PPP2R1A: variants seen among roughly 807,000 people sequenced by gnomAD.
PPP2R1A encodes the protein serine/threonine-protein phosphatase 2A 65 kDa regulatory subunit A alpha isoform.
PPP2R1A carries 15 observed loss-of-function variants against 67.1 expected under a neutral mutation model. The ratio of observed to expected loss-of-function variants is 0.22; its 90% CI spans 0.15 to 0.34. The LOEUF (loss-of-function observed/expected upper bound fraction) is 0.34. PPP2R1A is among the 10% of genes least tolerant of loss of function. PPP2R1A has a pLI of 1.00. For missense variants in PPP2R1A, 369 were observed against 775.0 expected (o/e 0.48, Z 6.22); for synonymous variants, 337 against 325.0 (o/e 1.04, Z -0.40).
Position 52,213,458 on chromosome 19 carries a change from T to TTTTTTG in PPP2R1A, c.807+353_807+354insGTTTTT, listed in dbSNP as rs1568594564. Among the ~76,000 whole-genome samples, 7 of 32,526 alleles carry TTTTTTG rather than the reference T, an allele frequency of 2.2e-4. No homozygotes were observed. The East Asian group carries it at 3.3e-3, about 16-fold the overall frequency. The allele number at this position is 32,526 out of a possible 152,430, so 21.3% of individuals were successfully genotyped here. ...CCCAAAAAGGTGGGGTTTTTTGGTG[T>TTTTTTG]TTTTTTTTTTTTTTTTTTTTTTTTT... On this transcript the variant is annotated intron_variant, in intron 6 of 14. Coordinates refer to ENST00000322088, the MANE Select transcript of PPP2R1A (RefSeq NM_014225.6). The surrounding 1 kb of genome is among the most constrained non-coding windows in gnomAD (Gnocchi z 4.2).
Position 52,228,556 on chromosome 19 carries a change from T to G in PPP2R1A, c.*2575T>G, listed in dbSNP as rs1233092003. 1 of 152,198 alleles carries G rather than the reference T, an allele frequency of 6.6e-6. No homozygotes were observed. The highest frequency in any genetic ancestry group is 1.5e-5 in the Non-Finnish European group (1 of 68,064). 9.4% of individuals were successfully genotyped at this position (152,198 alleles called of 1,614,324 possible). On this transcript the variant is annotated 3_prime_UTR_variant, in exon 15 of 15. Coordinates refer to ENST00000322088, the MANE Select transcript of PPP2R1A (RefSeq NM_014225.6). ...TCCTAATCTCCCAGGCTGCAGGCTT[T>G]GTTTGCTCCATACACCTGGCCTTCT...
chr19:52,222,958 A>T (rs1979031349), intron 13 of PPP2R1A, among the ~76,000 whole-genome samples: 1 of 152,240 alleles, frequency 6.6e-6, no homozygotes, highest in Admixed American at 6.5e-5. Flanking sequence ...TAAGCCCAAT[A>T]ATCTTAACAG....
In PPP2R1A at chr19:52,222,231, C is replaced by T. The variant is rs1438891344; in HGVS notation, c.1651C>T (p.Leu551=). The T allele has an allele frequency of 3.1e-6, 5 of 1,613,950 alleles. No individual in the cohort carries two copies. Among genetic ancestry groups the T allele is most frequent in the African/African-American group, 1.3e-5 (1 of 74,932 alleles). Residue 551 remains leucine (L), a synonymous_variant, in exon 13 of 15, where the codon CTG becomes TTG. Coordinates refer to ENST00000322088, the MANE Select transcript of PPP2R1A (RefSeq NM_014225.6). The part of the protein sequence containing the change: ...AKSLQKIGPI[L]DNSTLQSEVK... ...GTCTCTGCAGAAGATAGGGCCCATC[C>T]TGGACAACAGGTGAGGTCTGGATAC...
At chr19:52,205,801 A>G (rs2089595828) in intron 2 of PPP2R1A, among the ~76,000 whole-genome samples, 162 bp from the exon 3 acceptor site, 1 of 152,132 alleles carries the variant, frequency 6.6e-6, no homozygotes. Flanking sequence ...CCTGTACCTT[A>G]ATATCTGTGG....
In PPP2R1A at chr19:52,226,316, C is replaced by G. The variant is rs549791917; in HGVS notation, c.*335C>G. 3 of 415,166 alleles carry G rather than the reference C, an allele frequency of 7.2e-6. No individual in the cohort carries two copies. Among genetic ancestry groups the G allele is most frequent in the Non-Finnish European group, 1.3e-5 (3 of 232,692 alleles). 25.7% of individuals were successfully genotyped at this position (415,166 alleles called of 1,614,324 possible). A position where few individuals can be genotyped will look rare whatever the true frequency, so the allele number is the denominator to read the frequency against. On this transcript the variant is annotated 3_prime_UTR_variant, in exon 15 of 15. Coordinates refer to ENST00000322088, the MANE Select transcript of PPP2R1A (RefSeq NM_014225.6). ...CTCCCCCATTTACTTCTCCACCTCC[C>G]GTCCTCCCCATCATTGGTTTTTTTT... is the stretch of plus-strand genomic sequence containing the variant.
At chr19:52,199,722 T>C (rs2089529516) in intron 1 of PPP2R1A, among the ~76,000 whole-genome samples, 1 of 152,240 alleles carries the variant, frequency 6.6e-6, no homozygotes, top group Non-Finnish European at 1.5e-5. Flanking sequence ...ATGTATAGAA[T>C]AAGTTTTGCT....
intron 1 of PPP2R1A, 93 bp downstream of exon 1, chr19:52,190,267 T>G (rs1346162909): frequency 2.1e-6 from 3 of 1,421,478 alleles, no homozygotes; most frequent in South Asian, 2.5e-5. Flanking sequence ...TCGCTGGGAG[T>G]GGCGGAAGGG....
intron 3 of PPP2R1A, among the ~76,000 whole-genome samples, chr19:52,208,114 A>G (rs182656199): frequency 1.3e-3 from 197 of 152,294 alleles, no homozygotes; most frequent in African/African-American, 4.5e-3. Context: ...CAGTGGTGAA[A>G]TGGAATTAAT....
intron 1 of PPP2R1A, among the ~76,000 whole-genome samples, chr19:52,199,770 C>A (rs1023693420): frequency 6.6e-6 from 1 of 152,214 alleles, no homozygotes; most frequent in African/African-American, 2.4e-5. Context: ...TCTATACTTA[C>A]ACCCCAGGTC....
At chr19:52,207,099 C>T (rs1408109108) in intron 3 of PPP2R1A, among the ~76,000 whole-genome samples, 2 of 152,126 alleles carry the variant, frequency 1.3e-5, no homozygotes, top group Non-Finnish European at 2.9e-5. Context: ...ATATCTCAGC[C>T]TTCATCTGGG....
chr19:52,192,309 T>C lies in PPP2R1A; in HGVS notation c.78+2135T>C, dbSNP rs568112306. Among the ~76,000 whole-genome samples, 62 of 152,014 alleles carry C rather than the reference T, an allele frequency of 4.1e-4. 1 individual carries two copies. The highest frequency in any genetic ancestry group is 9.7e-4 in the East Asian group (5 of 5,164). On this transcript the variant is annotated intron_variant, in intron 1 of 14. Transcript: ENST00000322088. ...AGATATGTAATGGCCTTTTTTTTTT[T>C]TTCTTCTTTTTTTGAGACGGAGTCT...
rs1600168957 is a variant in PPP2R1A, at chr19:52,213,954, G to A, written c.807+844G>A. 2.0e-5 allele frequency among the ~76,000 whole-genome samples: 3 copies of A among 152,034 alleles called. No homozygotes were observed. The highest frequency in any genetic ancestry group is 4.4e-5 in the Non-Finnish European group (3 of 68,020). ...AGCTATTTGCTGGGCCAGTGAATTC[G>A]GATCATTCCTGGCCTTCATGGAGCT... On this transcript the variant is annotated intron_variant, in intron 6 of 14. Transcript: ENST00000322088. The surrounding 1 kb of genome is among the most constrained non-coding windows in gnomAD (Gnocchi z 4.2).
In PPP2R1A at chr19:52,205,793, T is replaced by G. The variant is rs574080641; in HGVS notation, c.170-170T>G. On this transcript the variant is annotated intron_variant, in intron 2 of 14. Transcript: ENST00000322088. ...AGGGCTCTCTTATCCCAGCCAAGCC[T>G]GTACCTTAATATCTGTGGCAGCCCA... Among the ~76,000 whole-genome samples, 9 of 152,296 alleles carry G rather than the reference T, an allele frequency of 5.9e-5. No homozygotes were observed. The East Asian group carries it at 1.7e-3, about 29-fold the overall frequency.
chr19:52,212,928 C>G lies in PPP2R1A; in HGVS notation c.652-27C>G, dbSNP rs761241832. 6.4e-7 allele frequency: 1 copy of G among 1,572,888 alleles called. No homozygotes were observed. The highest frequency in any genetic ancestry group is 8.6e-7 in the Non-Finnish European group (1 of 1,158,690). ...AGAGCTCAGCAAGGCCTCTGCTGCCCTCCCACTGTTCCTCTCCTCTCCCTA... is the reference window on the plus strand; with the variant it reads ...AGAGCTCAGCAAGGCCTCTGCTGCCGTCCCACTGTTCCTCTCCTCTCCCTA... On this transcript the variant is annotated intron_variant, in intron 5 of 14. Coordinates refer to ENST00000322088, the MANE Select transcript of PPP2R1A (RefSeq NM_014225.6). The surrounding 1 kb of genome is among the most constrained non-coding windows in gnomAD (Gnocchi z 4.1).
chr19:52,221,465 G>A (rs1014846607), intron 12 of PPP2R1A, among the ~76,000 whole-genome samples: 2 of 152,158 alleles, frequency 1.3e-5, no homozygotes, highest in Non-Finnish European at 2.9e-5. Context: ...CGTTGGGTGA[G>A]TGTATGGGCT....
intron 1 of PPP2R1A, among the ~76,000 whole-genome samples, chr19:52,192,087 G>C (rs1160321758): frequency 6.6e-6 from 1 of 152,156 alleles, no homozygotes; most frequent in African/African-American, 2.4e-5. Context: ...AGGGCATGCA[G>C]TTTTAAAGTG....
intron 1 of PPP2R1A, among the ~76,000 whole-genome samples, chr19:52,196,525 A>G (rs1305377314): frequency 6.6e-6 from 1 of 152,156 alleles, no homozygotes; most frequent in Non-Finnish European, 1.5e-5. Flanking sequence ...CCTCCCTTTT[A>G]TGAAGGAGGA....
Position 52,219,999 on chromosome 19 carries a change from A to G in PPP2R1A, c.1302+135A>G. On this transcript the variant is annotated intron_variant, in intron 10 of 14. Transcript: ENST00000322088. The surrounding 1 kb of genome is among the most constrained non-coding windows in gnomAD (Gnocchi z 4.0). ...ACTGCCTGGGGAGTCGAAGGAAGGG[A>G]CCCAGGAAATAGGGCCTTAAAAGAT... is the stretch of plus-strand genomic sequence containing the variant. 2 of 1,285,832 alleles carry G rather than the reference A, an allele frequency of 1.6e-6. No homozygotes were observed. Among genetic ancestry groups the G allele is most frequent in the African/African-American group, 3.0e-5 (2 of 67,078 alleles). 79.7% of individuals were successfully genotyped at this position (1,285,832 alleles called of 1,614,324 possible).
chr19:52,217,736 A>G (rs544487141), intron 9 of PPP2R1A, among the ~76,000 whole-genome samples: 1 of 151,704 alleles, frequency 6.6e-6, no homozygotes, highest in Non-Finnish European at 1.5e-5. Flanking sequence ...ATGTGCTTGC[A>G]CCCCATACAC....
Sources: gnomAD v4.1 joint callset for allele counts (sites outside exome capture counted in the v4.1 genomes callset) on GRCh38, gnomAD v4.1.1 for gene constraint, Gnocchi (gnomAD v3.1) non-coding constraint, MANE v1.5 for transcripts, NCBI Gene and HGNC (gene_info 2026-07-23, HGNC 2026-07-21) for gene names.